Variants in METTL16 observed in about 807,000 individuals in gnomAD.
The protein encoded by METTL16 is methyltransferase 16, RNA N6-adenosine.
Under a neutral mutation model 57.9 loss-of-function variants are expected in METTL16, and 19 were observed. The ratio of observed to expected loss-of-function variants is 0.33; its 90% CI spans 0.23 to 0.48. The LOEUF (loss-of-function observed/expected upper bound fraction) is 0.48. Among genes scored for constraint, METTL16 ranks in the 20% least tolerant of loss-of-function variants. The pLI is 0.99. For synonymous variants in METTL16, 246 were observed against 255.6 expected, an observed-to-expected ratio of 0.96 and a Z score of 0.36; for missense variants, 434 against 691.5, an observed-to-expected ratio of 0.63 and a Z score of 4.18.
chr17:2,447,460 G>A (rs2067010761), intron 6 of METTL16, among the ~76,000 whole-genome samples: 1 of 109,774 alleles, frequency 9.1e-6, no homozygotes, highest in Non-Finnish European at 1.9e-5. Flanking sequence ...GGGGGGGTCA[G>A]CCCCCCGCCC....
At chr17:2,501,612 C>A (rs2067488218) in intron 2 of METTL16, among the ~76,000 whole-genome samples, 1 of 152,180 alleles carries the variant, frequency 6.6e-6, no homozygotes, top group African/African-American at 2.4e-5. Flanking sequence ...GTAATCCCAG[C>A]ACTTTGGGAG....
intron 6 of METTL16, chr17:2,455,087 C>CTTTTT: frequency 8.9e-6 from 1 of 111,918 alleles, no homozygotes; most frequent in South Asian, 1.6e-4. Flanking sequence ...TGCCCAGGTA[C>CTTTTT]TTTTTTTTTT....
At chr17:2,457,337 C>CAAAAAA (rs57968051) in intron 6 of METTL16, among the ~76,000 whole-genome samples, 2 of 42,604 alleles carry the variant, frequency 4.7e-5, no homozygotes, top group African/African-American at 7.3e-5. Flanking sequence ...GACTCCGTCT[C>CAAAAAA]AAAAAAAAAA....
intron 2 of METTL16, among the ~76,000 whole-genome samples, chr17:2,479,422 G>A (rs1044686149): frequency 1.8e-4 from 25 of 142,400 alleles, no homozygotes; most frequent in African/African-American, 5.6e-4. Flanking sequence ...TAATCCTCCC[G>A]CCTCAGCCTA....
rs71362532 is a variant in METTL16, at chr17:2,428,564, A to AATATATAT, written c.889-7668_889-7661dup. 3.6e-3 allele frequency among the ~76,000 whole-genome samples: 113 copies of AATATATAT among 31,312 alleles called. 2 individuals carry two copies. The highest frequency in any genetic ancestry group is 5.1e-3 in the Non-Finnish European group (102 of 20,014). The allele number at this position is 31,312 out of a possible 152,430, so 20.5% of individuals were successfully genotyped here. ...AAAAAAAAAAAAAAAAAAAAAAAAA[A>AATATATAT]ATATATATATATATATATATATATA... On this transcript the variant is annotated intron_variant, in intron 8 of 9. Coordinates refer to ENST00000263092, the MANE Select transcript of METTL16 (RefSeq NM_024086.4).
intron 2 of METTL16, among the ~76,000 whole-genome samples, chr17:2,491,603 C>A (rs565816057): frequency 6.6e-6 from 1 of 152,074 alleles, no homozygotes; most frequent in South Asian, 2.1e-4. Context: ...TGGCCGGGCA[C>A]GGTGGCTCAC....
At chr17:2,424,942 C>T (rs1371739468) in intron 8 of METTL16, among the ~76,000 whole-genome samples, 3 of 150,156 alleles carry the variant, frequency 2.0e-5, no homozygotes, top group South Asian at 2.1e-4. Flanking sequence ...AGCGAGACTC[C>T]GTCTCAAAAA....
chr17:2,471,236 A>G (rs1426583172), intron 4 of METTL16, among the ~76,000 whole-genome samples: 1 of 152,126 alleles, frequency 6.6e-6, no homozygotes, highest in African/African-American at 2.4e-5. Flanking sequence ...CAGCGTCGCA[A>G]TCTCAGCTCA....
At chr17:2,493,336 G>A (rs1208139992) in intron 2 of METTL16, among the ~76,000 whole-genome samples, 9 of 151,054 alleles carry the variant, frequency 6.0e-5, no homozygotes, top group Non-Finnish European at 1.0e-4. Flanking sequence ...TGATCCGCCC[G>A]CCTTGGCCTC....
At chr17:2,431,165 T>G (rs1406384206) in intron 8 of METTL16, among the ~76,000 whole-genome samples, 6 of 152,120 alleles carry the variant, frequency 3.9e-5, no homozygotes, top group Non-Finnish European at 8.8e-5. Context: ...CAGGCTGGTC[T>G]CAAAATCCTG....
At chr17:2,461,089 G>A (rs762913185) in intron 6 of METTL16, among the ~76,000 whole-genome samples, 2 of 151,876 alleles carry the variant, frequency 1.3e-5, no homozygotes, top group East Asian at 1.9e-4. Context: ...GCGGTGGCTC[G>A]CACCTGTAAT....
chr17:2,479,032 T>C (rs1195109101), intron 2 of METTL16, among the ~76,000 whole-genome samples: 1 of 152,198 alleles, frequency 6.6e-6, no homozygotes, highest in Non-Finnish European at 1.5e-5. Context: ...ATATTTGTAT[T>C]TAACCTTTTA....
intron 6 of METTL16, chr17:2,460,221 G>A (rs2067139784): frequency 6.6e-6 from 1 of 152,068 alleles, no homozygotes; most frequent in East Asian, 1.9e-4. Flanking sequence ...TCACAGAGAA[G>A]AAAGTTGCAC....
At chr17:2,421,869 A>G (rs888899587) in intron 8 of METTL16, among the ~76,000 whole-genome samples, 6 of 152,180 alleles carry the variant, frequency 3.9e-5, no homozygotes, top group African/African-American at 1.4e-4. Context: ...ACTGCCTTTT[A>G]GCTGGGGAGG....
chr17:2,497,947 C>T (rs1183836520), intron 2 of METTL16, among the ~76,000 whole-genome samples: 1 of 151,456 alleles, frequency 6.6e-6, no homozygotes, highest in Non-Finnish European at 1.5e-5. Context: ...GTAATCCCAG[C>T]ACTTTGGGAG....
intron 2 of METTL16, among the ~76,000 whole-genome samples, chr17:2,489,732 CAAAA>C (rs61506042): frequency 3.3e-5 from 2 of 60,330 alleles, no homozygotes; most frequent in Non-Finnish European, 5.3e-5. Flanking sequence ...GAGCGAGACT[CAAAA>C]AAAAAAAAAA....
At chr17:2,458,409 TA>T (rs942623276) in intron 6 of METTL16, among the ~76,000 whole-genome samples, 206 of 118,690 alleles carry the variant, frequency 1.7e-3, no homozygotes, top group Middle Eastern at 4.1e-3. Flanking sequence ...GAGAATAAAT[TA>T]AAAAAAAAAA....
At chr17:2,428,592 TA>T (rs869200559) in intron 8 of METTL16, among the ~76,000 whole-genome samples, 8,183 of 46,648 alleles carry the variant, frequency 0.18, 1,148 homozygotes, top group East Asian at 0.62. Flanking sequence ...TATATATATA[TA>T]TATATATATA....
At chr17:2,485,031 C>A (rs1258255718) in intron 2 of METTL16, among the ~76,000 whole-genome samples, 2 of 152,116 alleles carry the variant, frequency 1.3e-5, no homozygotes, top group African/African-American at 2.4e-5. Context: ...TGGTCCCTGG[C>A]CTGTTAGGAC....
Sources: allele counts gnomAD v4.1 joint callset (sites outside exome capture counted in the v4.1 genomes callset), GRCh38; gene constraint gnomAD v4.1.1; transcripts MANE v1.5; gene names NCBI Gene and HGNC (gene_info 2026-07-23, HGNC 2026-07-21).